Variants in LAMA1 observed in about 807,000 individuals in gnomAD.
LAMA1 encodes laminin subunit alpha-1.
In LAMA1, 219 loss-of-function variants were observed where a neutral mutation model predicts 348.7. The ratio of observed to expected loss-of-function variants is 0.63; its 90% CI spans 0.56 to 0.70. The LOEUF (loss-of-function observed/expected upper bound fraction) is 0.70, where lower values mean the gene tolerates loss of function less well. LAMA1 is among the 30% of genes least tolerant of loss of function. The probability of loss-of-function intolerance (pLI) is 0.00; values close to 1 mark genes in which losing one functional copy is unlikely to be tolerated. For synonymous variants in LAMA1, 1,487 were observed against 1,491.0 expected (o/e 1.00, Z 0.06); for missense variants, 3,744 against 3,888.0 (o/e 0.96, Z 0.99).
intron 41 of LAMA1, among the ~76,000 whole-genome samples, chr18:6,981,490 A>G (rs1403791948): frequency 1.3e-5 from 2 of 152,206 alleles, no homozygotes; most frequent in East Asian, 1.9e-4. Context: ...ATTTCTGTTC[A>G]TAACATACAA....
intron 1 of LAMA1, among the ~76,000 whole-genome samples, chr18:7,101,432 C>G (rs1157449289): frequency 6.6e-6 from 1 of 152,070 alleles, no homozygotes; most frequent in Non-Finnish European, 1.5e-5. Flanking sequence ...AGTCTGAATA[C>G]CCAAAAAGAC....
At chr18:7,019,393 G>A (rs1370547500) in intron 19 of LAMA1, among the ~76,000 whole-genome samples, 1 of 151,970 alleles carries the variant, frequency 6.6e-6, no homozygotes, top group Non-Finnish European at 1.5e-5. Context: ...ATTTCAAGCC[G>A]CCTCTTTCTC....
At chr18:6,979,979 G>A (rs761695500) in intron 42 of LAMA1, among the ~76,000 whole-genome samples, 1 of 152,092 alleles carries the variant, frequency 6.6e-6, no homozygotes, top group East Asian at 1.9e-4. Context: ...TAGACTTATT[G>A]CGGCCTGGCT....
At chr18:6,954,522 T>C (rs1371334599) in intron 57 of LAMA1, 1 of 152,800 alleles carries the variant, frequency 6.5e-6, no homozygotes, top group Non-Finnish European at 1.5e-5. Flanking sequence ...GGTGTGCTAA[T>C]AGGAGGCTTT....
intron 1 of LAMA1, among the ~76,000 whole-genome samples, chr18:7,084,375 T>G (rs2058206582): frequency 6.6e-6 from 1 of 152,186 alleles, no homozygotes; most frequent in African/African-American, 2.4e-5. Context: ...TGTTTGGTTT[T>G]ACACATAAAA....
At chr18:7,007,864 CTAAGTGAA>C (rs1568028305) in intron 28 of LAMA1, among the ~76,000 whole-genome samples, 1 of 151,998 alleles carries the variant, frequency 6.6e-6, no homozygotes, top group African/African-American at 2.4e-5. Flanking sequence ...GGACATTATG[CTAAGTGAA>C]ACAAGCCATT....
At position 6,944,690 on chromosome 18, in the gene LAMA1, G is replaced by A. The variant is rs117569648; in HGVS notation, c.8845-1288C>T. 4.7e-4 allele frequency among the ~76,000 whole-genome samples: 72 copies of A among 152,244 alleles called. No homozygotes were observed. In the East Asian group the frequency reaches 0.013, roughly 27 times the overall value. ...TCAAAGAGACAGGCCTCAGAATAAA[G>A]AACCTTACTAACACATTGATCTCGG... On this transcript the variant is annotated intron_variant, in intron 61 of 62. Coordinates refer to ENST00000389658, the MANE Select transcript of LAMA1 (RefSeq NM_005559.4).
At chr18:7,088,961 C>T (rs769598833) in intron 1 of LAMA1, among the ~76,000 whole-genome samples, 6 of 152,034 alleles carry the variant, frequency 3.9e-5, no homozygotes, top group Non-Finnish European at 8.8e-5. Flanking sequence ...GCTATGATTT[C>T]GCCACCGCAC....
At chr18:7,085,316 A>C (rs2058210222) in intron 1 of LAMA1, among the ~76,000 whole-genome samples, 1 of 151,966 alleles carries the variant, frequency 6.6e-6, no homozygotes, top group Non-Finnish European at 1.5e-5. Flanking sequence ...TAAGTTTCTA[A>C]ATTTCTCAAT....
At chr18:7,080,111 T>A in intron 2 of LAMA1, 24 bp from the exon 3 acceptor site, 4 of 1,590,790 alleles carry the variant, frequency 2.5e-6, no homozygotes, top group Non-Finnish European at 3.4e-6. Context: ...ATAAAAAACA[T>A]GAATTCCTCT....
At chr18:6,993,865 T>C (rs2057769195) in intron 34 of LAMA1, 113 bp from the exon 35 acceptor site, 2 of 739,008 alleles carry the variant, frequency 2.7e-6, no homozygotes, top group Non-Finnish European at 5.0e-6. Context: ...ACAACATATA[T>C]TCCAGAATAT....
intron 42 of LAMA1, among the ~76,000 whole-genome samples, chr18:6,978,716 T>C (rs1170157035): frequency 6.6e-6 from 1 of 152,206 alleles, no homozygotes; most frequent in Non-Finnish European, 1.5e-5. Context: ...GTGTGAGCTG[T>C]GTCTTACATC....
In LAMA1 at chr18:6,989,697, G is replaced by A. The variant is rs143004801; in HGVS notation, c.5168+2864C>T. Among the ~76,000 whole-genome samples, 228 of 152,144 alleles carry A rather than the reference G, an allele frequency of 1.5e-3. 1 individual carries two copies. Among genetic ancestry groups the A allele is most frequent in the African/African-American group, 5.1e-3 (210 of 41,524 alleles). The stretch of plus-strand genomic sequence containing the variant: ...AGGGGAGGGTCAGGAGGCACTGAGG[G>A]GAACAGGTGGGGGTGGGGGCTGGCC... On this transcript the variant is annotated intron_variant, in intron 36 of 62. Coordinates refer to ENST00000389658, the MANE Select transcript of LAMA1 (RefSeq NM_005559.4).
intron 36 of LAMA1, among the ~76,000 whole-genome samples, chr18:6,986,784 A>T (rs2144061301): frequency 6.6e-6 from 1 of 152,228 alleles, no homozygotes; most frequent in South Asian, 2.1e-4. Flanking sequence ...TTTTGAGAGA[A>T]GACTTGCTCT....
intron 3 of LAMA1, among the ~76,000 whole-genome samples, chr18:7,055,002 A>G (rs1407967412): frequency 6.6e-6 from 1 of 152,194 alleles, no homozygotes; most frequent in Non-Finnish European, 1.5e-5. Context: ...CTTCAAGTCA[A>G]TAATAGGCTA....
intron 36 of LAMA1, among the ~76,000 whole-genome samples, chr18:6,990,134 G>A (rs2057752272): frequency 6.6e-6 from 1 of 152,150 alleles, no homozygotes; most frequent in Admixed American, 6.5e-5. Context: ...TCCTATAGAT[G>A]AAAATTTGAC....
chr18:7,020,147 TAA>T (rs757734310), intron 19 of LAMA1, among the ~76,000 whole-genome samples: 1 of 152,194 alleles, frequency 6.6e-6, no homozygotes, highest in Non-Finnish European at 1.5e-5. Context: ...TTATTTAATA[TAA>T]GAGTCCTTTA....
rs773241885 is a variant in LAMA1 at position 6,976,028 on chromosome 18, T to A, written c.6398A>T (p.Gln2133Leu). 6.2e-7 allele frequency: 1 copy of A among 1,614,232 alleles called. No individual in the cohort carries two copies. ...DRDCIRAYQP[Q>L]ISSTNYNTLT... is the part of the protein sequence containing the mutation. ...GGTATTGTAGTTGGTAGAGGAAATC[T>A]GAGGCTGGTAGGCCCGGATGCAATC... The change falls in exon 45 of 63, where the codon CAG (glutamine) becomes CTG (leucine). Residue 2133 changes from glutamine to leucine, a missense_variant. By Grantham distance (113) the Gln-to-Leu change is moderately radical. Around this residue, in one of 3 missense-constraint regions of LAMA1, gnomAD observed 1,983 missense variants for 1,934.3 expected, o/e 1.03. Coordinates refer to ENST00000389658, the MANE Select transcript of LAMA1 (RefSeq NM_005559.4).
chr18:7,073,173 G>T (rs1478251130), intron 3 of LAMA1, among the ~76,000 whole-genome samples: 1 of 152,060 alleles, frequency 6.6e-6, no homozygotes, highest in African/African-American at 2.4e-5. Context: ...TAAATGACTG[G>T]TGTGGCTTCC....
Sources: allele counts gnomAD v4.1 joint callset (sites outside exome capture counted in the v4.1 genomes callset), GRCh38; gene constraint gnomAD v4.1.1; regional missense constraint gnomAD v4.1.1; transcripts MANE v1.5; gene names NCBI Gene and HGNC (gene_info 2026-07-23, HGNC 2026-07-21).